Variants in SECISBP2 observed in about 807,000 individuals in gnomAD.
SECISBP2 encodes the protein SECIS binding protein 2, also known as selenocysteine insertion sequence-binding protein 2.
A neutral mutation model predicts 98.2 loss-of-function variants in SECISBP2; 96 were observed. The ratio of observed to expected loss-of-function variants is 0.98; its 90% CI spans 0.83 to 1.16. The LOEUF (loss-of-function observed/expected upper bound fraction) is 1.16. Among genes scored for constraint, SECISBP2 ranks in the 50% most tolerant of loss-of-function variants. The pLI, the probability that SECISBP2 is intolerant of heterozygous loss-of-function variation, is 0.00. For missense variants in SECISBP2, 1,046 were observed against 1,022.9 expected (o/e 1.02, Z -0.31); for synonymous variants, 407 against 370.2 (o/e 1.10, Z -1.14).
Position 89,349,809 on chromosome 9 carries a change from C to T in SECISBP2, c.1772C>T (p.Pro591Leu). Residue 591 changes from proline (P) to leucine (L), a missense_variant, in exon 13 of 17, where the codon CCT becomes CTT. Pro to Leu is a moderately conservative substitution (Grantham distance 98). Coordinates refer to ENST00000375807, the MANE Select transcript of SECISBP2 (RefSeq NM_024077.5). ...PEGMDELIST[P>L]SVEDKSEEPP... is the part of the protein sequence containing the mutation. ...GGGATGGACGAACTGATCTCCACTC[C>T]TTCGGTTGAGGACAAGTCTGAAGAG... 1 of 1,614,202 alleles carries T rather than the reference C, an allele frequency of 6.2e-7. No homozygotes were observed. Among genetic ancestry groups the T allele is most frequent in the Non-Finnish European group, 8.5e-7 (1 of 1,180,040 alleles).
At chr9:89,363,468 C>G, downstream of SECISBP2, 4 of 1,613,996 alleles carry the variant, frequency 2.5e-6, no homozygotes, top group Non-Finnish European at 3.4e-6. Context: ...CGGTCGTGCT[C>G]CCCAGCCACA....
Position 89,358,113 on chromosome 9 carries a change from A to T in SECISBP2, c.2383A>T (p.Ser795Cys). The T allele has an allele frequency of 6.2e-7, 1 of 1,613,864 alleles. No individual in the cohort carries two copies. Among genetic ancestry groups the T allele is most frequent in the Non-Finnish European group, 8.5e-7 (1 of 1,179,982 alleles). ...VGEPRPQAPP[S>C]LPTQGPSCPA... The stretch of plus-strand genomic sequence containing the variant: ...AGAGCCCAGGCCTCAGGCACCTCCC[A>T]GCCTACCCACACAGGGCCCCAGCTG... Residue 795 changes from serine (S) to cysteine (C), a missense_variant, in exon 16 of 17, where the codon AGC becomes TGC. By Grantham distance (112) the Ser-to-Cys change is moderately radical. Coordinates refer to ENST00000375807, the MANE Select transcript of SECISBP2 (RefSeq NM_024077.5).
At chr9:89,321,244 A>G (rs1247030433) in intron 2 of SECISBP2, among the ~76,000 whole-genome samples, 1 of 152,280 alleles carries the variant, frequency 6.6e-6, no homozygotes, top group Non-Finnish European at 1.5e-5. Context: ...GCTCAAAGCC[A>G]TCTGCTAGGT....
At position 89,340,006 on chromosome 9, in the gene SECISBP2, A is replaced by C. The variant is rs973174513; in HGVS notation, c.1302+53A>C. ...GCTTTAGGCTTAACTCTTCTGGCTC[A>C]ACTAAATGCTTGAGAAAAACTGCTT... On this transcript the variant is annotated intron_variant, in intron 9 of 16. Coordinates refer to ENST00000375807, the MANE Select transcript of SECISBP2 (RefSeq NM_024077.5). The C allele has an allele frequency of 3.1e-6, 4 of 1,305,078 alleles. No individual in the cohort carries two copies. The South Asian group carries it at 4.7e-5, about 15-fold the overall frequency. The allele number at this position is 1,305,078 out of a possible 1,614,324, so 80.8% of individuals were successfully genotyped here.
At chr9:89,351,198 C>T (rs1185110210) in intron 14 of SECISBP2, among the ~76,000 whole-genome samples, 4 of 152,202 alleles carry the variant, frequency 2.6e-5, no homozygotes, top group Non-Finnish European at 5.9e-5. Flanking sequence ...TGCCTGGCAG[C>T]CAGGCAGTAC....
intron 14 of SECISBP2, among the ~76,000 whole-genome samples, chr9:89,353,463 C>T (rs992702571): frequency 5.3e-5 from 8 of 152,196 alleles, no homozygotes; most frequent in African/African-American, 1.7e-4. Flanking sequence ...TGCTGTGCCT[C>T]ACCAGAGGGC....
chr9:89,356,236 T>G (rs1832055835), intron 14 of SECISBP2, among the ~76,000 whole-genome samples: 1 of 152,218 alleles, frequency 6.6e-6, no homozygotes, highest in Non-Finnish European at 1.5e-5. Flanking sequence ...CTGCTCCTTA[T>G]GAGAATCTAA....
intron 2 of SECISBP2, among the ~76,000 whole-genome samples, chr9:89,320,376 A>AG (rs1379168681): frequency 6.7e-4 from 101 of 151,788 alleles, no homozygotes; most frequent in African/African-American, 2.3e-3. Context: ...AAAAAAAAAA[A>AG]AAAATCCCGT....
intron 6 of SECISBP2, 27 bp downstream of exon 6, chr9:89,333,013 T>C: frequency 6.3e-7 from 1 of 1,584,298 alleles, no homozygotes; most frequent in Non-Finnish European, 8.7e-7. Flanking sequence ...AAATGTTAAT[T>C]TTTAAAATGT....
intron 16 of SECISBP2, 79 bp from the exon 17 acceptor site, chr9:89,358,642 C>G (rs1184009521): frequency 1.1e-6 from 1 of 945,908 alleles, no homozygotes; most frequent in East Asian, 2.5e-5. Context: ...GGCTCCCTCT[C>G]TCATGCTGCT....
chr9:89,347,199 G>A (rs928024860), intron 11 of SECISBP2, 151 bp downstream of exon 11: 6 of 811,224 alleles, frequency 7.4e-6, no homozygotes, highest in African/African-American at 6.8e-5. Flanking sequence ...TCCAACAAAT[G>A]ATCCCTCACC....
chr9:89,326,068 C>T lies in SECISBP2; in HGVS notation c.574+30C>T, dbSNP rs553074551. 9 of 1,605,428 alleles carry T rather than the reference C, an allele frequency of 5.6e-6. No homozygotes were observed. The East Asian group carries it at 6.7e-5, about 12-fold the overall frequency. On this transcript the variant is annotated intron_variant, in intron 4 of 16. Transcript: ENST00000375807. ...AAATAACCAACAATGTAGTATAATG[C>T]GAGCCTACTCCTTGTGCCCCAGAAA...
In SECISBP2 at chr9:89,348,188, A is replaced by G. The variant is rs1341721827; in HGVS notation, c.1712A>G (p.Gln571Arg). The G allele has an allele frequency of 5.0e-6, 8 of 1,614,248 alleles. No individual in the cohort carries two copies. The highest frequency in any genetic ancestry group is 6.8e-6 in the Non-Finnish European group (8 of 1,180,038). The change falls in exon 12 of 17, where the codon CAG becomes CGG. Residue 571 changes from glutamine (Q) to arginine (R), a missense_variant. Coordinates refer to ENST00000375807, the MANE Select transcript of SECISBP2 (RefSeq NM_024077.5). The stretch of plus-strand genomic sequence containing the variant: ...GATGGAGAGAGTGGTGGTGATGACC[A>G]GTTTCCCGAGCAGGCAGAGCTGTCA... ...TQDGESGGDD[Q>R]FPEQAELSGP...
chr9:89,345,362 G>A (rs1244944603), intron 10 of SECISBP2, among the ~76,000 whole-genome samples: 1 of 152,194 alleles, frequency 6.6e-6, no homozygotes, highest in East Asian at 1.9e-4. Flanking sequence ...GGAAGCTGCT[G>A]GTTTTCATAG....
intron 7 of SECISBP2, among the ~76,000 whole-genome samples, chr9:89,335,442 C>T (rs1211202029): frequency 1.3e-5 from 2 of 151,976 alleles, no homozygotes; most frequent in Non-Finnish European, 2.9e-5. Flanking sequence ...AAGCAATTCT[C>T]CTGCCTCTGC....
chr9:89,352,820 T>A (rs1831486596), intron 14 of SECISBP2, among the ~76,000 whole-genome samples: 2 of 152,184 alleles, frequency 1.3e-5, no homozygotes, highest in South Asian at 4.1e-4. Flanking sequence ...TGGGAGCTGT[T>A]TTTGTCCTCT....
intron 4 of SECISBP2, among the ~76,000 whole-genome samples, chr9:89,327,598 C>T (rs900254627): frequency 2.0e-5 from 3 of 152,030 alleles, no homozygotes; most frequent in East Asian, 1.9e-4. Context: ...AAAACGAAGA[C>T]ACAACCACAC....
At chr9:89,336,108 T>TTTTTTTTTA in intron 7 of SECISBP2, among the ~76,000 whole-genome samples, 1 of 133,650 alleles carries the variant, frequency 7.5e-6, no homozygotes, top group Non-Finnish European at 1.6e-5. Context: ...TTTTTTTTTT[T>TTTTTTTTTA]CACTGCAGCT....
At chr9:89,360,626 ACT>A (rs376748465), downstream of SECISBP2, among the ~76,000 whole-genome samples, 134 of 152,106 alleles carry the variant, frequency 8.8e-4, no homozygotes, top group African/African-American at 3.0e-3. Context: ...ATTTAACCAA[ACT>A]CTCATCACAT....
Sources: gnomAD v4.1 joint callset for allele counts (sites outside exome capture counted in the v4.1 genomes callset) on GRCh38, gnomAD v4.1.1 for gene constraint, MANE v1.5 for transcripts, NCBI Gene and HGNC (gene_info 2026-07-23, HGNC 2026-07-21) for gene names.